The following PACRG variants were observed in gnomAD, a reference collection of about 807,000 sequenced individuals.
PACRG encodes parkin coregulated gene protein.
A neutral mutation model predicts 29.7 loss-of-function variants in PACRG; 29 were observed. The observed-to-expected ratio is 0.98, with a 90% CI of 0.73 to 1.33. The LOEUF is 1.33. Among genes scored for constraint, PACRG ranks in the 40% most tolerant of loss-of-function variants. The pLI is 0.00. For synonymous variants in PACRG, 116 were observed against 118.7 expected (o/e 0.98, Z 0.15); for missense variants, 279 against 316.2 (o/e 0.88, Z 0.89).
intron 4 of PACRG, among the ~76,000 whole-genome samples, chr6:163,293,089 T>C (rs1281773939): frequency 6.6e-6 from 1 of 152,252 alleles, no homozygotes; most frequent in Non-Finnish European, 1.5e-5. Context: ...GTGACTTTTC[T>C]TTATTCTTAA....
At chr6:162,755,615 T>G (rs1375286385) in intron 1 of PACRG, among the ~76,000 whole-genome samples, 1 of 152,080 alleles carries the variant, frequency 6.6e-6, no homozygotes, top group South Asian at 2.1e-4. Flanking sequence ...TTTATATTTT[T>G]AAGTAGAGAC....
At chr6:162,888,699 C>G (rs1794541060) in intron 2 of PACRG, among the ~76,000 whole-genome samples, 1 of 152,170 alleles carries the variant, frequency 6.6e-6, no homozygotes, top group African/African-American at 2.4e-5. Context: ...CTGCCTGGGT[C>G]TGCAGGGGTC....
intron 2 of PACRG, among the ~76,000 whole-genome samples, chr6:162,874,574 C>G (rs1468024): frequency 0.21 from 32,083 of 152,042 alleles, 3,614 homozygotes; most frequent in Middle Eastern, 0.27. Context: ...ACCTGCACCA[C>G]AAGGCTGTTT....
chr6:163,089,107 G>T, intron 3 of PACRG, 152 bp from the exon 4 acceptor site: 1 of 696,686 alleles, frequency 1.4e-6, no homozygotes, highest in Non-Finnish European at 2.3e-6. Context: ...GGGTTGCAAT[G>T]TGTCATCCAA....
At chr6:163,186,282 T>A (rs1295682677) in intron 4 of PACRG, among the ~76,000 whole-genome samples, 4 of 152,162 alleles carry the variant, frequency 2.6e-5, no homozygotes, top group Non-Finnish European at 5.9e-5. Flanking sequence ...GGAGAGCTGC[T>A]GTCCAATGGC....
chr6:163,148,637 A>C (rs1777904376), intron 4 of PACRG, among the ~76,000 whole-genome samples: 1 of 152,158 alleles, frequency 6.6e-6, no homozygotes, highest in African/African-American at 2.4e-5. Flanking sequence ...GAATATGGAA[A>C]ATCGGTCCCA....
At chr6:163,054,762 C>T (rs570693072) in intron 2 of PACRG, among the ~76,000 whole-genome samples, 2 of 152,180 alleles carry the variant, frequency 1.3e-5, no homozygotes, top group Admixed American at 6.5e-5. Flanking sequence ...ACCAGCCATT[C>T]GCATCCCAGT....
At chr6:163,274,845 T>TTTTC (rs1286850760) in intron 4 of PACRG, among the ~76,000 whole-genome samples, 32 of 135,780 alleles carry the variant, frequency 2.4e-4, no homozygotes, top group African/African-American at 6.2e-4. Flanking sequence ...CTTCTTTTTC[T>TTTTC]TTTCTTTCTT....
chr6:162,947,342 AATGATT>A (rs1407873765), intron 2 of PACRG, among the ~76,000 whole-genome samples: 1 of 13,352 alleles, frequency 7.5e-5, no homozygotes, highest in South Asian at 3.4e-3. Context: ...TCATATATAT[AATGATT>A]ACATATATAT....
At chr6:162,950,371 G>A (rs539489497) in intron 2 of PACRG, among the ~76,000 whole-genome samples, 4 of 152,248 alleles carry the variant, frequency 2.6e-5, no homozygotes, top group Non-Finnish European at 5.9e-5. Flanking sequence ...AGCCGGGCGT[G>A]GTGGCGAGCG....
intron 4 of PACRG, 129 bp from the exon 5 acceptor site, chr6:163,314,698 A>T: frequency 9.4e-7 from 1 of 1,058,826 alleles, no homozygotes. Flanking sequence ...AAAACTCCGC[A>T]AGATCGTGTA....
chr6:162,953,766 C>T lies in PACRG; in HGVS notation c.292-108384C>T, dbSNP rs545575484. ...AGCAAATGTTAAGCATCCATGATAA[C>T]ACAAGAAAGAACAGTGGCATATTCT... On this transcript the variant is annotated intron_variant, in intron 2 of 4. Coordinates refer to ENST00000366888, the MANE Select transcript of PACRG (RefSeq NM_001080379.2). 2.6e-5 allele frequency among the ~76,000 whole-genome samples: 4 copies of T among 151,154 alleles called. No individual in the cohort carries two copies. In the Admixed American group the frequency reaches 2.7e-4, roughly 10 times the overall value.
intron 2 of PACRG, among the ~76,000 whole-genome samples, chr6:162,976,409 C>CT (rs1801963117): frequency 6.6e-6 from 1 of 152,132 alleles, no homozygotes; most frequent in African/African-American, 2.4e-5. Flanking sequence ...AGATAGAAAT[C>CT]TTTAACTAAC....
intron 4 of PACRG, among the ~76,000 whole-genome samples, chr6:163,284,677 G>A (rs548368830): frequency 3.1e-4 from 47 of 152,152 alleles, no homozygotes; most frequent in African/African-American, 9.6e-4. Flanking sequence ...TTTGAGTTCT[G>A]GATGTCCAGA....
chr6:163,265,345 G>A (rs1783489872), intron 4 of PACRG, among the ~76,000 whole-genome samples: 2 of 152,162 alleles, frequency 1.3e-5, no homozygotes, highest in South Asian at 4.1e-4. Context: ...ACAGTGACAG[G>A]TGTTCCTCCA....
chr6:162,737,438 A>G (rs1366703259), intron 1 of PACRG, among the ~76,000 whole-genome samples: 3 of 152,192 alleles, frequency 2.0e-5, no homozygotes, highest in Non-Finnish European at 4.4e-5. Flanking sequence ...AGATCTCAGA[A>G]AACTATTTTC....
chr6:162,878,634 C>A (rs1252161979), intron 2 of PACRG, among the ~76,000 whole-genome samples: 1 of 152,144 alleles, frequency 6.6e-6, no homozygotes, highest in Non-Finnish European at 1.5e-5. Flanking sequence ...AGATGGTTAC[C>A]CATGTTATAC....
chr6:162,996,202 A>T lies in PACRG; in HGVS notation c.292-65948A>T, dbSNP rs531927681. 2.6e-5 allele frequency among the ~76,000 whole-genome samples: 4 copies of T among 152,270 alleles called. No individual in the cohort carries two copies. In the South Asian group the frequency reaches 8.3e-4, roughly 32 times the overall value. ...ATGTGAGATAATGGACATGTTTATTAGGTTGATTGTGGTGATCATTTCACA... is the reference window on the plus strand; with the variant it reads ...ATGTGAGATAATGGACATGTTTATTTGGTTGATTGTGGTGATCATTTCACA... On this transcript the variant is annotated intron_variant, in intron 2 of 4. Coordinates refer to ENST00000366888, the MANE Select transcript of PACRG (RefSeq NM_001080379.2).
At chr6:162,852,764 A>G (rs1435078680) in intron 2 of PACRG, among the ~76,000 whole-genome samples, 1 of 152,240 alleles carries the variant, frequency 6.6e-6, no homozygotes, top group Non-Finnish European at 1.5e-5. Flanking sequence ...AATGAAAGGA[A>G]TTTTAACAAT....
Sources: allele counts gnomAD v4.1 joint callset (sites outside exome capture counted in the v4.1 genomes callset), GRCh38; gene constraint gnomAD v4.1.1; transcripts MANE v1.5; gene names NCBI Gene and HGNC (gene_info 2026-07-23, HGNC 2026-07-21).